The following AUTS2 variants were observed in gnomAD, a reference collection of about 807,000 sequenced individuals.
AUTS2 encodes autism susceptibility gene 2 protein.
In AUTS2, 17 loss-of-function variants were observed where a neutral mutation model predicts 112.4. That is an observed-to-expected ratio of 0.15 (90% CI 0.10 to 0.23). The LOEUF (loss-of-function observed/expected upper bound fraction) is 0.23. Among genes scored for constraint, AUTS2 ranks in the 10% least tolerant of loss-of-function variants. The pLI is 1.00. For synonymous variants in AUTS2, 751 were observed against 702.7 expected (o/e 1.07, Z -1.09); for missense variants, 1,510 against 1,701.6 (o/e 0.89, Z 1.98).
chr7:69,982,942 C>T (rs190118051), intron 2 of AUTS2, among the ~76,000 whole-genome samples: 1 of 152,116 alleles, frequency 6.6e-6, no homozygotes, highest in Non-Finnish European at 1.5e-5. Flanking sequence ...AGCTGAAGAG[C>T]CATTTAGTTC....
intron 4 of AUTS2, among the ~76,000 whole-genome samples, chr7:70,288,225 C>T (rs1317168806): frequency 6.6e-6 from 1 of 151,982 alleles, no homozygotes; most frequent in African/African-American, 2.4e-5. Context: ...ACGGTGAAAC[C>T]CCATCTCTAC....
At chr7:69,697,779 G>A (rs1797618068) in intron 1 of AUTS2, among the ~76,000 whole-genome samples, 1 of 152,178 alleles carries the variant, frequency 6.6e-6, no homozygotes, top group African/African-American at 2.4e-5. Context: ...GTGGCAGCAG[G>A]ATTTGTAACA....
At chr7:69,850,538 T>G (rs1792432172) in intron 1 of AUTS2, among the ~76,000 whole-genome samples, 1 of 151,474 alleles carries the variant, frequency 6.6e-6, no homozygotes, top group African/African-American at 2.4e-5. Context: ...TGTTTTTTAA[T>G]ATGGCTGTTC....
chr7:70,715,148 A>G lies in AUTS2; in HGVS notation c.742+16528A>G, dbSNP rs534364183. 2.0e-3 allele frequency among the ~76,000 whole-genome samples: 312 copies of G among 152,212 alleles called. 1 individual carries two copies. Among genetic ancestry groups the G allele is most frequent in the Middle Eastern group, 0.02 (6 of 294 alleles). ...ATACAAGGAAAAAAGTAAATGCTCA[A>G]TTCTCTCCTTCTAATTGCATGTTTT... On this transcript the variant is annotated intron_variant, in intron 6 of 18. Coordinates refer to ENST00000342771, the MANE Select transcript of AUTS2 (RefSeq NM_015570.4).
intron 5 of AUTS2, among the ~76,000 whole-genome samples, chr7:70,564,609 G>T (rs1239716107): frequency 6.6e-6 from 1 of 152,116 alleles, no homozygotes; most frequent in Non-Finnish European, 1.5e-5. Context: ...CATATAGTGG[G>T]TATCAGTCAA....
chr7:69,976,504 G>T (rs1013737985), intron 2 of AUTS2, among the ~76,000 whole-genome samples: 1 of 152,142 alleles, frequency 6.6e-6, no homozygotes. Flanking sequence ...GGGATTGTTG[G>T]ATCATATGGT....
At chr7:70,736,480 A>C (rs1787789196) in intron 6 of AUTS2, among the ~76,000 whole-genome samples, 1 of 152,048 alleles carries the variant, frequency 6.6e-6, no homozygotes, top group Admixed American at 6.5e-5. Context: ...CTTGTTTTCC[A>C]AGATCTGTGA....
At chr7:69,804,004 C>T (rs1218680063) in intron 1 of AUTS2, among the ~76,000 whole-genome samples, 1 of 152,144 alleles carries the variant, frequency 6.6e-6, no homozygotes, top group African/African-American at 2.4e-5. Context: ...AGCACTCTAG[C>T]CTGGGTGACA....
chr7:69,689,226 T>G (rs2129176413), intron 1 of AUTS2, among the ~76,000 whole-genome samples: 1 of 152,214 alleles, frequency 6.6e-6, no homozygotes, highest in East Asian at 1.9e-4. Context: ...GGTGTCTACC[T>G]TGACCACAAA....
chr7:70,685,782 A>G (rs556685026), intron 5 of AUTS2, among the ~76,000 whole-genome samples: 2 of 152,300 alleles, frequency 1.3e-5, no homozygotes, highest in South Asian at 4.1e-4. Flanking sequence ...GAGAACTGGA[A>G]AACGCGATCA....
intron 5 of AUTS2, among the ~76,000 whole-genome samples, chr7:70,511,068 G>A (rs1410486016): frequency 6.6e-6 from 1 of 151,956 alleles, no homozygotes; most frequent in East Asian, 1.9e-4. Flanking sequence ...AGGCTAGTCT[G>A]GAACTCCTGA....
chr7:69,735,459 C>T (rs1387730085), intron 1 of AUTS2, among the ~76,000 whole-genome samples: 3 of 152,186 alleles, frequency 2.0e-5, no homozygotes, highest in Non-Finnish European at 4.4e-5. Flanking sequence ...AAGGGACCAA[C>T]ATCCTTTGAG....
At chr7:70,080,785 T>G (rs1803265294) in intron 2 of AUTS2, among the ~76,000 whole-genome samples, 1 of 152,200 alleles carries the variant, frequency 6.6e-6, no homozygotes, top group Non-Finnish European at 1.5e-5. Flanking sequence ...GAAGGAAACC[T>G]TTCTGATTAT....
chr7:70,116,431 A>C (rs750113572), intron 2 of AUTS2, among the ~76,000 whole-genome samples: 27 of 152,154 alleles, frequency 1.8e-4, no homozygotes, highest in Non-Finnish European at 8.8e-5. Context: ...GCCTCACTCT[A>C]TTCATCTTGG....
intron 2 of AUTS2, among the ~76,000 whole-genome samples, chr7:69,910,827 T>G (rs1795323801): frequency 6.6e-6 from 1 of 152,058 alleles, no homozygotes; most frequent in South Asian, 2.1e-4. Flanking sequence ...AGGGTTTCAC[T>G]TTGTTGACCA....
intron 5 of AUTS2, among the ~76,000 whole-genome samples, chr7:70,455,727 C>T (rs537717660): frequency 3.3e-5 from 5 of 152,062 alleles, no homozygotes; most frequent in East Asian, 3.9e-4. Context: ...TTCAAGGCTG[C>T]AGTGAGCTGT....
intron 1 of AUTS2, among the ~76,000 whole-genome samples, chr7:69,843,488 C>G (rs547906052): frequency 6.6e-6 from 1 of 152,196 alleles, no homozygotes; most frequent in African/African-American, 2.4e-5. Context: ...CTGCATTGTT[C>G]AACACTGGAT....
chr7:70,295,434 C>T (rs1032612214), intron 4 of AUTS2, among the ~76,000 whole-genome samples: 8 of 152,134 alleles, frequency 5.3e-5, no homozygotes, highest in African/African-American at 1.4e-4. Context: ...CTTAAACCTC[C>T]GTTCTCTCTC....
At chr7:70,470,667 CTG>C (rs1292113300) in intron 5 of AUTS2, among the ~76,000 whole-genome samples, 2 of 152,000 alleles carry the variant, frequency 1.3e-5, no homozygotes, top group African/African-American at 4.8e-5. Context: ...ACAATGCAGT[CTG>C]ATAAAGGAAA....
Sources: allele counts gnomAD v4.1 joint callset (sites outside exome capture counted in the v4.1 genomes callset), GRCh38; gene constraint gnomAD v4.1.1; transcripts MANE v1.5; gene names NCBI Gene and HGNC (gene_info 2026-07-23, HGNC 2026-07-21).